CDK6: variants seen among roughly 807,000 people sequenced by gnomAD.
The protein encoded by CDK6 is cyclin-dependent kinase 6.
Under a neutral mutation model 37.1 loss-of-function variants are expected in CDK6, and 6 were observed. The ratio of observed to expected loss-of-function variants is 0.16; its 90% CI spans 0.09 to 0.32. The LOEUF (loss-of-function observed/expected upper bound fraction) is 0.32. Among genes scored for constraint, CDK6 ranks in the 10% least tolerant of loss-of-function variants. The probability of loss-of-function intolerance (pLI) is 1.00; values close to 1 mark genes in which losing one functional copy is unlikely to be tolerated. For missense variants in CDK6, 224 were observed against 418.9 expected (o/e 0.53, Z 4.06); for synonymous variants, 160 against 161.3 (o/e 0.99, Z 0.06).
chr7:92,789,582 G>A lies in CDK6; in HGVS notation c.234-14751C>T, dbSNP rs1373100745. ...AGCTGAAATAGTATCAACTCAAACTGGATTGTTATAAGTTGAAGATGTTAA... is the reference window on the plus strand; with the variant it reads ...AGCTGAAATAGTATCAACTCAAACTAGATTGTTATAAGTTGAAGATGTTAA... On this transcript the variant is annotated intron_variant, in intron 2 of 7. Coordinates refer to ENST00000424848, the MANE Select transcript of CDK6 (RefSeq NM_001145306.2). Among the ~76,000 whole-genome samples the A allele has an allele frequency of 2.0e-5, 3 of 152,224 alleles. No homozygotes were observed. In the East Asian group the frequency reaches 5.8e-4, roughly 29 times the overall value.
chr7:92,793,856 G>A (rs1348190028), intron 2 of CDK6, among the ~76,000 whole-genome samples: 2 of 152,122 alleles, frequency 1.3e-5, no homozygotes, highest in African/African-American at 2.4e-5. Context: ...CCAGGGGTGT[G>A]GGGGTTGGGG....
chr7:92,660,119 G>A (rs1796802832), intron 5 of CDK6, among the ~76,000 whole-genome samples: 1 of 152,162 alleles, frequency 6.6e-6, no homozygotes, highest in Admixed American at 6.5e-5. Flanking sequence ...GTAGGGGTAG[G>A]GCTGGAACCC....
At chr7:92,635,137 G>A (rs1363011181) in intron 5 of CDK6, among the ~76,000 whole-genome samples, 3 of 152,148 alleles carry the variant, frequency 2.0e-5, no homozygotes, top group Non-Finnish European at 2.9e-5. Flanking sequence ...CAGCTAAAGC[G>A]TTATTTTTGG....
chr7:92,701,765 T>C (rs1797852909), intron 4 of CDK6: 1 of 152,428 alleles, frequency 6.6e-6, no homozygotes, highest in Non-Finnish European at 1.5e-5. Flanking sequence ...GCCATGCTAA[T>C]CTTCTCTGTA....
chr7:92,779,095 C>A (rs1281545314), intron 2 of CDK6, among the ~76,000 whole-genome samples: 1 of 151,976 alleles, frequency 6.6e-6, no homozygotes, highest in African/African-American at 2.4e-5. Context: ...GGCAGTATGC[C>A]CTGTTGCTTC....
intron 4 of CDK6, among the ~76,000 whole-genome samples, chr7:92,681,118 C>T (rs1204864459): frequency 6.6e-6 from 1 of 152,040 alleles, no homozygotes; most frequent in East Asian, 1.9e-4. Flanking sequence ...CAATACTGTC[C>T]CATAATAACT....
chr7:92,833,617 C>G lies in CDK6; in HGVS notation c.-294G>C, dbSNP rs1301249391. 1 of 530,870 alleles carries G rather than the reference C, an allele frequency of 1.9e-6. No homozygotes were observed. Among genetic ancestry groups the G allele is most frequent in the East Asian group, 3.3e-5 (1 of 30,644 alleles). The allele number at this position is 530,870 out of a possible 1,614,324, so 32.9% of individuals were successfully genotyped here. On this transcript the variant is annotated 5_prime_UTR_variant, in exon 2 of 8. Transcript: ENST00000424848. This position sits in a 1 kb window ranked among gnomAD's most constrained non-coding sequence, Gnocchi z 6.1. Reference sequence around the variant, plus strand: ...GAGCCGATCCCTCCTCTTCCCTCCTCGAAGCGAAGTCCTCAACACAGACAC... The same window carrying G: ...GAGCCGATCCCTCCTCTTCCCTCCTGGAAGCGAAGTCCTCAACACAGACAC...
In CDK6 at chr7:92,615,177, G is replaced by A. The variant is rs752871576; in HGVS notation, c.944C>T (p.Pro315Leu). Reference sequence around the variant, plus strand: ...CAGCTCCGAGGTGTTCTGGCTGGGCGGCAGGTGGGAATCCAGGTTTTCTTT... The same window carrying A: ...CAGCTCCGAGGTGTTCTGGCTGGGCAGCAGGTGGGAATCCAGGTTTTCTTT... ...RCKENLDSHL[P>L]PSQNTSELNT... is the part of the protein sequence containing the mutation. The change falls in exon 8 of 8, where the codon CCG becomes CTG. Residue 315 changes from proline to leucine, a missense_variant. This residue lies in a region of CDK6 where 90 missense variants were observed against 136.2 expected (regional missense o/e 0.66). Transcript: ENST00000424848. 7 of 1,614,044 alleles carry A rather than the reference G, an allele frequency of 4.3e-6. No homozygotes were observed. Among genetic ancestry groups the A allele is most frequent in the South Asian group, 2.2e-5 (2 of 91,068 alleles).
intron 2 of CDK6, among the ~76,000 whole-genome samples, chr7:92,776,594 T>C (rs189793272): frequency 6.6e-6 from 1 of 152,362 alleles, no homozygotes; most frequent in African/African-American, 2.4e-5. Context: ...TTTTTAATGA[T>C]TGCCATTCTA....
chr7:92,711,437 G>T (rs1489710768), intron 4 of CDK6, among the ~76,000 whole-genome samples: 1 of 151,092 alleles, frequency 6.6e-6, no homozygotes, highest in Non-Finnish European at 1.5e-5. Flanking sequence ...TTGTATACAA[G>T]TAGCAAAAAA....
intron 3 of CDK6, among the ~76,000 whole-genome samples, chr7:92,729,653 C>T (rs1282104369): frequency 6.6e-6 from 1 of 152,160 alleles, no homozygotes; most frequent in Non-Finnish European, 1.5e-5. Flanking sequence ...TTCCAGAGCT[C>T]TAATCCTCTT....
chr7:92,773,227 G>A (rs1799761909), intron 3 of CDK6, among the ~76,000 whole-genome samples: 1 of 152,110 alleles, frequency 6.6e-6, no homozygotes, highest in African/African-American at 2.4e-5. Context: ...AAGATAAAGA[G>A]GTAGAGATAT....
At chr7:92,718,040 A>T (rs1006849993) in intron 4 of CDK6, among the ~76,000 whole-genome samples, 1 of 151,964 alleles carries the variant, frequency 6.6e-6, no homozygotes, top group Non-Finnish European at 1.5e-5. Flanking sequence ...TTTTCCATGT[A>T]CCCAGCCCTG....
intron 5 of CDK6, among the ~76,000 whole-genome samples, chr7:92,658,289 A>G (rs1045944671): frequency 6.6e-6 from 1 of 152,210 alleles, no homozygotes; most frequent in African/African-American, 2.4e-5. Flanking sequence ...AATGCTCCAT[A>G]AAATAAGCAC....
At chr7:92,678,329 T>C (rs543898139) in intron 4 of CDK6, among the ~76,000 whole-genome samples, 16 of 152,242 alleles carry the variant, frequency 1.1e-4, no homozygotes, top group African/African-American at 3.9e-4. Context: ...AGTTTGGTGA[T>C]TGGAGCCAGC....
At chr7:92,758,234 T>C (rs1420851270) in intron 3 of CDK6, among the ~76,000 whole-genome samples, 1 of 152,212 alleles carries the variant, frequency 6.6e-6, no homozygotes, top group African/African-American at 2.4e-5. Flanking sequence ...TGGTATTGCC[T>C]AGGCTGTCTT....
chr7:92,821,992 T>C (rs1801185243), intron 2 of CDK6, among the ~76,000 whole-genome samples: 1 of 152,024 alleles, frequency 6.6e-6, no homozygotes, highest in Non-Finnish European at 1.5e-5. Context: ...TACATGGACA[T>C]CCCTACTTGT....
At chr7:92,771,007 G>T (rs750671409) in intron 3 of CDK6, among the ~76,000 whole-genome samples, 3 of 152,058 alleles carry the variant, frequency 2.0e-5, no homozygotes, top group Non-Finnish European at 4.4e-5. Context: ...GAGGCCAAGA[G>T]GTGGGCGGAT....
Position 92,760,295 on chromosome 7 carries a change from T to A in CDK6, c.369+14401A>T, listed in dbSNP as rs144477987. Among the ~76,000 whole-genome samples, 495 of 152,326 alleles carry A rather than the reference T, an allele frequency of 3.2e-3. 7 individuals are homozygous for A. The highest frequency in any genetic ancestry group is 0.011 in the African/African-American group (471 of 41,602). On this transcript the variant is annotated intron_variant, in intron 3 of 7. Transcript: ENST00000424848. The stretch of plus-strand genomic sequence containing the variant: ...AAATCTCATTAGAAAACTTATCATA[T>A]CATTTTTCCTAGTCCTTCAATGTTT...
Sources: allele counts gnomAD v4.1 joint callset (sites outside exome capture counted in the v4.1 genomes callset), GRCh38; gene constraint gnomAD v4.1.1; regional missense constraint gnomAD v4.1.1; non-coding constraint Gnocchi (gnomAD v3.1); transcripts MANE v1.5; gene names NCBI Gene and HGNC (gene_info 2026-07-23, HGNC 2026-07-21).